Variants in NBPF15 observed in about 807,000 individuals in gnomAD.
NBPF15 encodes the protein NBPF family member NBPF15.
A neutral mutation model predicts 62.2 loss-of-function variants in NBPF15; 74 were observed. The observed-to-expected ratio is 1.19, with a 90% CI of 0.99 to 1.44. The LOEUF is 1.44. NBPF15 is among the 40% of genes most tolerant of loss of function. The pLI is 0.00. For missense variants in NBPF15, 790 were observed against 550.0 expected (o/e 1.44, Z -4.36); for synonymous variants, 244 against 209.7 (o/e 1.16, Z -1.41).
In NBPF15 at chr1:144,426,469, G is replaced by A; in HGVS notation, c.1266-19C>T. On this transcript the variant is annotated intron_variant, in intron 17 of 21. Coordinates refer to ENST00000581897, the MANE Select transcript of NBPF15 (RefSeq NM_001385408.1). ...GCTGAGCCTGGAAAAGTAGGAAAAA[G>A]TAAAGAATAAGCCAGGGAGAATCAG... 1 of 815,152 alleles carries A rather than the reference G, an allele frequency of 1.2e-6. No homozygotes were observed. The highest frequency in any genetic ancestry group is 2.2e-6 in the Non-Finnish European group (1 of 452,250). The allele number at this position is 815,152 out of a possible 1,614,324, so 50.5% of individuals were successfully genotyped here.
chr1:144,438,072 C>T (rs782817412), intron 8 of NBPF15, 25 bp from the exon 9 acceptor site: 5 of 1,610,468 alleles, frequency 3.1e-6, no homozygotes, highest in African/African-American at 1.3e-5. Flanking sequence ...ACACGCCTGC[C>T]TCAGTGGAAG....
At chr1:144,454,869 A>AGAG (rs1418329268) in intron 4 of NBPF15, among the ~76,000 whole-genome samples, 1 of 146,800 alleles carries the variant, frequency 6.8e-6, no homozygotes, top group East Asian at 2.0e-4. Context: ...CCCACAAATC[A>AGAG]GAGGAGGAGG....
At chr1:144,445,036 G>A (rs1477328691) in intron 6 of NBPF15, among the ~76,000 whole-genome samples, 3 of 151,242 alleles carry the variant, frequency 2.0e-5, no homozygotes, top group African/African-American at 7.3e-5. Context: ...GCTATTTTCA[G>A]CCTTTTTAAT....
At position 144,442,189 on chromosome 1, in the gene NBPF15, ACACGTG is replaced by A. The variant is rs1179274161; in HGVS notation, c.-190-1900_-190-1895del. On this transcript the variant is annotated intron_variant, in intron 6 of 21. Coordinates refer to ENST00000581897, the MANE Select transcript of NBPF15 (RefSeq NM_001385408.1). Reference sequence around the variant, plus strand: ...ATATATATATATATATAATATATATACACGTGTATATATATTATTAATATATATAAT... The same window carrying A: ...ATATATATATATATATAATATATATATATATATATTATTAATATATATAAT... 1.9e-3 allele frequency among the ~76,000 whole-genome samples: 213 copies of A among 112,920 alleles called. 9 individuals are homozygous for A. Among genetic ancestry groups the A allele is most frequent in the African/African-American group, 7.3e-3 (200 of 27,416 alleles). The allele number at this position is 112,920 out of a possible 152,430, so 74.1% of individuals were successfully genotyped here. A position where few individuals can be genotyped will look rare whatever the true frequency, so the allele number is the denominator to read the frequency against.
chr1:144,428,219 A>G (rs1553539691), intron 15 of NBPF15, among the ~76,000 whole-genome samples: 1 of 151,396 alleles, frequency 6.6e-6, no homozygotes, highest in Non-Finnish European at 1.5e-5. Context: ...ACACAGAGCG[A>G]GCTCAGTGAA....
rs1228874011 is a variant in NBPF15, at chr1:144,438,522, A to C, written c.176-475T>G. Among the ~76,000 whole-genome samples the C allele has an allele frequency of 2.2e-4, 34 of 152,144 alleles. No homozygotes were observed. In the South Asian group the frequency reaches 7.1e-3, roughly 32 times the overall value. Reference sequence around the variant, plus strand: ...TTTTAAAATCTTTGATTTTTAAATCATATCTTCAGTTATGATTTTAAGAAT... The same window carrying C: ...TTTTAAAATCTTTGATTTTTAAATCCTATCTTCAGTTATGATTTTAAGAAT... On this transcript the variant is annotated intron_variant, in intron 8 of 21. Transcript: ENST00000581897.
chr1:144,456,236 G>A (rs1451319058), intron 4 of NBPF15, among the ~76,000 whole-genome samples: 9 of 149,440 alleles, frequency 6.0e-5, no homozygotes, highest in African/African-American at 9.9e-5. Context: ...GAGAATGGGG[G>A]GTAAGAGGGG....
At chr1:144,451,181 A>G (rs1253972091) in intron 4 of NBPF15, among the ~76,000 whole-genome samples, 35 of 151,678 alleles carry the variant, frequency 2.3e-4, no homozygotes, top group African/African-American at 8.5e-4. Flanking sequence ...TGCATCATAA[A>G]CAAGGTAAAG....
At chr1:144,425,701 C>T in intron 18 of NBPF15, 133 bp from the exon 19 acceptor site, 1 of 487,660 alleles carries the variant, frequency 2.1e-6, no homozygotes. Context: ...AGAGATACTT[C>T]AGGAGGCCTG....
intron 4 of NBPF15, among the ~76,000 whole-genome samples, chr1:144,451,906 C>G (rs1691413183): frequency 6.6e-6 from 1 of 151,786 alleles, no homozygotes; most frequent in Admixed American, 6.6e-5. Context: ...AATCCTAGCA[C>G]TTTGAGAGGC....
In NBPF15 at chr1:144,450,869, T is replaced by A. The variant is rs1690639799; in HGVS notation, c.-430A>T. On this transcript the variant is annotated splice_region_variant and 5_prime_UTR_variant, in exon 5 of 22. Coordinates refer to ENST00000581897, the MANE Select transcript of NBPF15 (RefSeq NM_001385408.1). ...GTGGCTTTACTGTTATCAATCACAT[T>A]TCTGAAAGAATAAAAATGGTTCAGT... The A allele has an allele frequency of 1.3e-6, 1 of 767,988 alleles. No individual in the cohort carries two copies. Among genetic ancestry groups the A allele is most frequent in the Non-Finnish European group, 1.6e-6 (1 of 632,476 alleles). 47.6% of individuals were successfully genotyped at this position (767,988 alleles called of 1,614,324 possible).
chr1:144,426,479 A>G, intron 17 of NBPF15, 29 bp from the exon 18 acceptor site: 1 of 825,552 alleles, frequency 1.2e-6, no homozygotes, highest in Non-Finnish European at 2.2e-6. Flanking sequence ...GTAAAGAATA[A>G]GCCAGGGAGA....
Position 144,452,025 on chromosome 1 carries a change from G to A in NBPF15, c.-431-1155C>T, listed in dbSNP as rs191687034. Among the ~76,000 whole-genome samples, 937 of 151,358 alleles carry A rather than the reference G, an allele frequency of 6.2e-3. 13 individuals carry two copies. The highest frequency in any genetic ancestry group is 0.021 in the African/African-American group (851 of 40,896). On this transcript the variant is annotated intron_variant, in intron 4 of 21. Coordinates refer to ENST00000581897, the MANE Select transcript of NBPF15 (RefSeq NM_001385408.1). ...ACATTAGCCAGGTGTGGTAGCAGGC[G>A]CCTGTAATCCCAGCTATTCAGGAGG...
intron 4 of NBPF15, among the ~76,000 whole-genome samples, chr1:144,455,114 A>T (rs587770250): frequency 8.8e-4 from 115 of 130,230 alleles, no homozygotes; most frequent in Admixed American, 5.3e-3. Flanking sequence ...GAAGGAAGGA[A>T]GGGAGGGAGG....
intron 4 of NBPF15, among the ~76,000 whole-genome samples, chr1:144,452,338 G>C (rs188875199): frequency 2.0e-5 from 3 of 151,912 alleles, no homozygotes; most frequent in Non-Finnish European, 4.4e-5. Flanking sequence ...CCATAAACAG[G>C]ACTACTATTA....
chr1:144,447,846 C>T (rs1488838965), intron 6 of NBPF15, among the ~76,000 whole-genome samples: 1 of 152,044 alleles, frequency 6.6e-6, no homozygotes, highest in African/African-American at 2.4e-5. Flanking sequence ...GGGGCTGGTA[C>T]AGCCTCGCTC....
chr1:144,452,569 A>G (rs1691874118), intron 4 of NBPF15, among the ~76,000 whole-genome samples: 2 of 151,558 alleles, frequency 1.3e-5, no homozygotes, highest in South Asian at 4.2e-4. Context: ...AAATATGCTG[A>G]AGTAGAACTC....
At chr1:144,451,129 G>A (rs1311341851) in intron 4 of NBPF15, among the ~76,000 whole-genome samples, 3 of 151,840 alleles carry the variant, frequency 2.0e-5, no homozygotes, top group South Asian at 2.1e-4. Flanking sequence ...TAGGATAATA[G>A]TGGAGAGAAG....
At chr1:144,461,124 G>A (rs2292209) in intron 1 of NBPF15, among the ~76,000 whole-genome samples, 163 bp from the exon 2 acceptor site, 3 of 151,642 alleles carry the variant, frequency 2.0e-5, no homozygotes, top group Admixed American at 6.6e-5. Context: ...ACACGAGGAC[G>A]TGCCCCCGAA....
Sources: allele counts gnomAD v4.1 joint callset (sites outside exome capture counted in the v4.1 genomes callset), GRCh38; gene constraint gnomAD v4.1.1; transcripts MANE v1.5; gene names NCBI Gene and HGNC (gene_info 2026-07-23, HGNC 2026-07-21).